CLRN3: variants seen among roughly 807,000 people sequenced by gnomAD.
CLRN3 encodes clarin-3.
In CLRN3, 12 loss-of-function variants were observed where a neutral mutation model predicts 16.7. That is an observed-to-expected ratio of 0.72 (90% CI 0.46 to 1.16). CLRN3 has a LOEUF of 1.16. Among genes scored for constraint, CLRN3 ranks in the 50% most tolerant of loss-of-function variants. The pLI, the probability that CLRN3 is intolerant of heterozygous loss-of-function variation, is 0.00. For missense variants in CLRN3, 296 were observed against 274.2 expected, an observed-to-expected ratio of 1.08 and a Z score of -0.56; for synonymous variants, 118 against 113.0, an observed-to-expected ratio of 1.04 and a Z score of -0.28.
intron 2 of CLRN3, among the ~76,000 whole-genome samples, chr10:127,879,904 T>C (rs1845107360): frequency 6.6e-6 from 1 of 152,120 alleles, no homozygotes; most frequent in Admixed American, 6.5e-5. Context: ...CAGGGGATCC[T>C]GGCCACGGAA....
intron 1 of CLRN3, among the ~76,000 whole-genome samples, chr10:127,889,540 CT>C (rs1401945156): frequency 6.6e-6 from 1 of 152,012 alleles, no homozygotes; most frequent in African/African-American, 2.4e-5. Context: ...ACGAGAATTG[CT>C]TGAACTCAGG....
intron 1 of CLRN3, among the ~76,000 whole-genome samples, chr10:127,888,277 TG>T: frequency 6.6e-6 from 1 of 152,296 alleles, no homozygotes; most frequent in African/African-American, 2.4e-5. Flanking sequence ...GAGCCCAGGC[TG>T]GTGCCCCAGC....
Position 127,892,722 on chromosome 10 carries a change from G to A in CLRN3, c.63C>T (p.Phe21=), listed in dbSNP as rs1845272680. 1.9e-6 allele frequency: 3 copies of A among 1,613,602 alleles called. No homozygotes were observed. The highest frequency in any genetic ancestry group is 2.5e-6 in the Non-Finnish European group (3 of 1,179,706). ...TCCCAAGAATAGAGCAAATTACAATGAAGGACCCAAGGCTGGTGAAAAAGC... is the reference window on the plus strand; with the variant it reads ...TCCCAAGAATAGAGCAAATTACAATAAAGGACCCAAGGCTGGTGAAAAAGC... The part of the protein sequence containing the change: ...LSSFFTSLGS[F]IVICSILGTQ... The change falls in exon 1 of 3, where the codon TTC becomes TTT. Residue 21 remains phenylalanine, a synonymous_variant. Coordinates refer to ENST00000368671, the MANE Select transcript of CLRN3 (RefSeq NM_152311.5).
At chr10:127,885,287 T>C (rs1172711299) in intron 1 of CLRN3, among the ~76,000 whole-genome samples, 1 of 152,146 alleles carries the variant, frequency 6.6e-6, no homozygotes, top group Non-Finnish European at 1.5e-5. Flanking sequence ...TCCCCTCCCC[T>C]TTCCCTCCTT....
chr10:127,879,320 C>G (rs762358631), intron 2 of CLRN3, among the ~76,000 whole-genome samples: 1 of 152,110 alleles, frequency 6.6e-6, no homozygotes, highest in Non-Finnish European at 1.5e-5. Context: ...AGGCTAGTCT[C>G]GAACTCCTGG....
chr10:127,885,316 A>T lies in CLRN3; in HGVS notation c.230-1441T>A, dbSNP rs542164733. Among the ~76,000 whole-genome samples, 126 of 152,322 alleles carry T rather than the reference A, an allele frequency of 8.3e-4. 1 individual carries two copies. Among genetic ancestry groups the T allele is most frequent in the African/African-American group, 2.9e-3 (122 of 41,568 alleles). On this transcript the variant is annotated intron_variant, in intron 1 of 2. Transcript: ENST00000368671. ...CCTCCTTGCATCGCCGTAATGATTT[A>T]AAAATTCCTCATTATGCTGAGCCCA...
At chr10:127,892,262 G>A (rs745747885) in intron 1 of CLRN3, among the ~76,000 whole-genome samples, 11 of 152,316 alleles carry the variant, frequency 7.2e-5, no homozygotes, top group Admixed American at 2.6e-4. Context: ...ATTCAATGCC[G>A]TATTGCTGCC....
At chr10:127,880,205 T>A (rs971213643) in intron 2 of CLRN3, among the ~76,000 whole-genome samples, 1 of 152,194 alleles carries the variant, frequency 6.6e-6, no homozygotes, top group African/African-American at 2.4e-5. Flanking sequence ...TGAAGTTTCT[T>A]ATAAAAGCTT....
chr10:127,892,827 C>T lies in CLRN3; in HGVS notation c.-43G>A. 8.9e-7 allele frequency: 1 copy of T among 1,123,444 alleles called. No homozygotes were observed. Among genetic ancestry groups the T allele is most frequent in the Non-Finnish European group, 1.3e-6 (1 of 746,386 alleles). The allele number at this position is 1,123,444 out of a possible 1,614,324, so 69.6% of individuals were successfully genotyped here. On this transcript the variant is annotated 5_prime_UTR_variant, in exon 1 of 3. Transcript: ENST00000368671. Reference sequence around the variant, plus strand: ...TTCTCTAGGACAAAAAAAGGAATATCTTCTTATAACACTTTTGAACCTTAT... The same window carrying T: ...TTCTCTAGGACAAAAAAAGGAATATTTTCTTATAACACTTTTGAACCTTAT...
chr10:127,886,008 G>C (rs1279085642), intron 1 of CLRN3, among the ~76,000 whole-genome samples: 1 of 152,110 alleles, frequency 6.6e-6, no homozygotes, highest in Non-Finnish European at 1.5e-5. Context: ...GCCCGCCTTG[G>C]CCTACCAAAG....
chr10:127,892,853 C>A lies in CLRN3; in HGVS notation c.-69G>T, dbSNP rs1845275039. On this transcript the variant is annotated 5_prime_UTR_variant, in exon 1 of 3. Coordinates refer to ENST00000368671, the MANE Select transcript of CLRN3 (RefSeq NM_152311.5). ...TTCTTATAACACTTTTGAACCTTAT[C>A]TTTTGAAGTCTGGTATTTAGAAATG... 2 of 879,720 alleles carry A rather than the reference C, an allele frequency of 2.3e-6. No homozygotes were observed. The highest frequency in any genetic ancestry group is 1.5e-5 in the South Asian group (1 of 68,722). 54.5% of individuals were successfully genotyped at this position (879,720 alleles called of 1,614,324 possible). A position where few individuals can be genotyped will look rare whatever the true frequency, so the allele number is the denominator to read the frequency against.
In CLRN3 at chr10:127,884,195, G is replaced by A. The variant is rs150774727; in HGVS notation, c.230-320C>T. 9.7e-4 allele frequency among the ~76,000 whole-genome samples: 148 copies of A among 152,294 alleles called. No individual in the cohort carries two copies. In the East Asian group the frequency reaches 0.011, roughly 12 times the overall value. On this transcript the variant is annotated intron_variant, in intron 1 of 2. Transcript: ENST00000368671. Reference sequence around the variant, plus strand: ...GGACAGCCTTCCCATTACTGAGCTCGGGCTCCGTCCTTGCCAAGGTGCTTT... The same window carrying A: ...GGACAGCCTTCCCATTACTGAGCTCAGGCTCCGTCCTTGCCAAGGTGCTTT...
intron 1 of CLRN3, among the ~76,000 whole-genome samples, chr10:127,885,009 G>T (rs116545487): frequency 1.3e-5 from 2 of 152,212 alleles, no homozygotes; most frequent in Admixed American, 6.5e-5. Context: ...CAAGTGAAAG[G>T]CTCTTTGTTT....
intron 1 of CLRN3, among the ~76,000 whole-genome samples, chr10:127,890,125 A>G (rs1196243789): frequency 6.6e-6 from 1 of 152,248 alleles, no homozygotes; most frequent in Non-Finnish European, 1.5e-5. Context: ...GCCAGGAACC[A>G]TGTGCAATTC....
At chr10:127,884,325 C>T (rs1208592817) in intron 1 of CLRN3, among the ~76,000 whole-genome samples, 6 of 152,144 alleles carry the variant, frequency 3.9e-5, no homozygotes, top group African/African-American at 1.4e-4. Context: ...TGTGAGAATC[C>T]CACAAGCCCT....
In CLRN3 at chr10:127,886,047, G is replaced by T. The variant is rs145770714; in HGVS notation, c.230-2172C>A. ...TGGGATTACAGGCATAAGCCACCAC[G>T]CCCGGCCTTTTAAAAAATGTTCCAT... On this transcript the variant is annotated intron_variant, in intron 1 of 2. Transcript: ENST00000368671. 6.1e-4 allele frequency among the ~76,000 whole-genome samples: 92 copies of T among 151,836 alleles called. 1 individual carries two copies. Among genetic ancestry groups the T allele is most frequent in the Middle Eastern group, 3.4e-3 (1 of 294 alleles).
intron 2 of CLRN3, among the ~76,000 whole-genome samples, chr10:127,879,036 A>G (rs561300541): frequency 6.6e-6 from 1 of 152,320 alleles, no homozygotes; most frequent in South Asian, 2.1e-4. Context: ...TACAAAACTC[A>G]TTAGAGAAGA....
intron 2 of CLRN3, among the ~76,000 whole-genome samples, chr10:127,879,565 CAA>C (rs11351712): frequency 4.7e-5 from 7 of 147,714 alleles, no homozygotes; most frequent in African/African-American, 1.5e-4. Context: ...GAGATAGAGA[CAA>C]AAAAAAAAAT....
intron 1 of CLRN3, among the ~76,000 whole-genome samples, chr10:127,891,908 AG>A (rs1441829030): frequency 6.6e-5 from 10 of 152,242 alleles, no homozygotes; most frequent in Middle Eastern, 3.2e-3. Context: ...AAACCTCAAA[AG>A]TCAAATAAGT....
Sources: gnomAD v4.1 joint callset for allele counts (sites outside exome capture counted in the v4.1 genomes callset) on GRCh38, gnomAD v4.1.1 for gene constraint, MANE v1.5 for transcripts, NCBI Gene and HGNC (gene_info 2026-07-23, HGNC 2026-07-21) for gene names.